Variants in OPHN1 observed in about 807,000 individuals in gnomAD.
OPHN1 encodes the protein oligophrenin-1.
Under a neutral mutation model 60.7 loss-of-function variants are expected in OPHN1, and 11 were observed. That is an observed-to-expected ratio of 0.18 (90% CI 0.11 to 0.30). The LOEUF is 0.30. Ranked by LOEUF, OPHN1 falls within the 10% of genes least tolerant of loss-of-function variation. The pLI is 1.00. For synonymous variants in OPHN1, 226 were observed against 222.6 expected, an observed-to-expected ratio of 1.02 and a Z score of -0.14; for missense variants, 449 against 611.0, an observed-to-expected ratio of 0.73 and a Z score of 2.80.
rs189820841 is a variant in OPHN1 at position 68,284,046 on chromosome X, G to A, written c.251-929C>T. Among the ~76,000 whole-genome samples the A allele has an allele frequency of 1.7e-3, 192 of 111,241 alleles. 1 individual carries two copies. The highest frequency in any genetic ancestry group is 5.9e-3 in the African/African-American group (180 of 30,669). On this transcript the variant is annotated intron_variant, in intron 3 of 24. Coordinates refer to ENST00000355520, the MANE Select transcript of OPHN1 (RefSeq NM_002547.3). ...ACACCATACTCAGAAAGAGTAAACA[G>A]GAAAAAATGGAAATGTTTATTGACC...
At chrX:68,349,454 T>C (rs2078395794) in intron 2 of OPHN1, among the ~76,000 whole-genome samples, 2 of 112,058 alleles carry the variant, frequency 1.8e-5, no homozygotes, top group Admixed American at 9.5e-5. Flanking sequence ...TTTTACACTG[T>C]TGGTGGGAGT....
At chrX:68,317,299 C>CA (rs1204792285) in intron 2 of OPHN1, among the ~76,000 whole-genome samples, 73 of 44,366 alleles carry the variant, frequency 1.6e-3, no homozygotes, top group African/African-American at 3.6e-3. Context: ...AAATCTGTCT[C>CA]AAAAAAAAAA....
Position 68,210,363 on chromosome X carries a change from A to T in OPHN1, c.703-81T>A. The T allele has an allele frequency of 2.9e-6, 3 of 1,028,449 alleles. No homozygotes were observed. In the South Asian group the frequency reaches 6.1e-5, roughly 21 times the overall value. 84.8% of individuals were successfully genotyped at this position (1,028,449 alleles called of 1,213,427 possible). ...TATTTCTTGGTCAGAGACTCAGTACAAAGTTTTCCCTGCTTACAGCATGTG... is the reference window on the plus strand; with the variant it reads ...TATTTCTTGGTCAGAGACTCAGTACTAAGTTTTCCCTGCTTACAGCATGTG... On this transcript the variant is annotated intron_variant, in intron 8 of 24. Coordinates refer to ENST00000355520, the MANE Select transcript of OPHN1 (RefSeq NM_002547.3).
chrX:68,073,615 C>T, intron 19 of OPHN1, among the ~76,000 whole-genome samples: 1 of 111,917 alleles, frequency 8.9e-6, no homozygotes, highest in Non-Finnish European at 1.9e-5. Context: ...CTTCTCTGAG[C>T]CTTGGCTTTC....
rs2254886 is a variant in OPHN1, at chrX:68,045,575, G to T, written c.*1597C>A. The stretch of plus-strand genomic sequence containing the variant: ...TGGGCAACATTATAATTATACAGAC[G>T]CTACAGACAAGCTACGGCCCAGGCA... On this transcript the variant is annotated 3_prime_UTR_variant, in exon 25 of 25. Transcript: ENST00000355520. 44,897 of 110,540 alleles carry T rather than the reference G, an allele frequency of 0.41. 7,313 individuals carry two copies. Among genetic ancestry groups the T allele is most frequent in the African/African-American group, 0.61 (18,461 of 30,322 alleles). The allele number at this position is 110,540 out of a possible 1,213,427, so 9.1% of individuals were successfully genotyped here. A position where few individuals can be genotyped will look rare whatever the true frequency, so the allele number is the denominator to read the frequency against.
chrX:68,091,870 AGAG>A (rs1190230107), intron 19 of OPHN1, among the ~76,000 whole-genome samples: 3 of 111,656 alleles, frequency 2.7e-5, no homozygotes, highest in Non-Finnish European at 5.7e-5. Flanking sequence ...ATGGGAAGAG[AGAG>A]AACTTCAGAA....
chrX:68,056,989 A>G (rs1034739168), intron 21 of OPHN1, among the ~76,000 whole-genome samples: 11 of 111,979 alleles, frequency 9.8e-5, no homozygotes, highest in Admixed American at 7.6e-4. Flanking sequence ...GTACTGTGAT[A>G]CTGTACTCAG....
chrX:68,240,132 A>T (rs1327861805), intron 5 of OPHN1, among the ~76,000 whole-genome samples: 1 of 112,371 alleles, frequency 8.9e-6, no homozygotes, highest in Non-Finnish European at 1.9e-5. Flanking sequence ...TAACAGTATT[A>T]GTGGGGCTCT....
chrX:68,270,307 C>G (rs1170871624), intron 5 of OPHN1, among the ~76,000 whole-genome samples: 1 of 110,531 alleles, frequency 9.0e-6, no homozygotes, highest in Non-Finnish European at 1.9e-5. Context: ...TATTGCGGCA[C>G]TATTCACAAT....
chrX:68,088,500 A>G (rs1434150355), intron 19 of OPHN1, among the ~76,000 whole-genome samples: 2 of 111,642 alleles, frequency 1.8e-5, no homozygotes, highest in African/African-American at 6.5e-5. Context: ...GAGTTTCTCT[A>G]TCATTTAACA....
intron 2 of OPHN1, among the ~76,000 whole-genome samples, chrX:68,326,967 G>C: frequency 3.1e-5 from 1 of 31,913 alleles, no homozygotes; most frequent in Non-Finnish European, 4.4e-5. Context: ...CCTCTGCCCG[G>C]CCGCCCCTAC....
chrX:68,350,077 A>C (rs943454622), intron 2 of OPHN1, among the ~76,000 whole-genome samples: 2 of 111,449 alleles, frequency 1.8e-5, no homozygotes, highest in Non-Finnish European at 3.8e-5. Context: ...AATACAAAAA[A>C]ATCTATTGTG....
chrX:68,201,285 G>A (rs887887761), intron 11 of OPHN1, among the ~76,000 whole-genome samples: 1 of 112,199 alleles, frequency 8.9e-6, no homozygotes, highest in Non-Finnish European at 1.9e-5. Flanking sequence ...AACAAAGAAT[G>A]AGCTTTGTTA....
In OPHN1 at chrX:68,233,488, T is replaced by C. The variant is rs570695288; in HGVS notation, c.486+999A>G. 3.3e-4 allele frequency among the ~76,000 whole-genome samples: 37 copies of C among 111,821 alleles called. 2 individuals are homozygous for C. In the South Asian group the frequency reaches 1.0e-2, roughly 30 times the overall value. On this transcript the variant is annotated intron_variant, in intron 6 of 24. Coordinates refer to ENST00000355520, the MANE Select transcript of OPHN1 (RefSeq NM_002547.3). ...GAAAAATTCTCAATCAGTTTATTCC[T>C]TCTTTTCCTTCCCTAGTGCCTCTCT... is the stretch of plus-strand genomic sequence containing the variant.
chrX:68,186,889 C>T (rs981511928), intron 15 of OPHN1, among the ~76,000 whole-genome samples: 4 of 111,702 alleles, frequency 3.6e-5, no homozygotes, highest in Non-Finnish European at 7.5e-5. Flanking sequence ...TCCACAAAGG[C>T]CCCACCTCCA....
chrX:68,332,491 G>T (rs769052183), intron 2 of OPHN1, among the ~76,000 whole-genome samples: 1 of 112,164 alleles, frequency 8.9e-6, no homozygotes, highest in Non-Finnish European at 1.9e-5. Context: ...CAATAGTTAA[G>T]AACCTGGCCA....
At chrX:68,325,449 G>C (rs1175496002) in intron 2 of OPHN1, among the ~76,000 whole-genome samples, 1 of 103,846 alleles carries the variant, frequency 9.6e-6, no homozygotes, top group East Asian at 3.1e-4. Context: ...ATTGAAAAAA[G>C]TGAATATTAT....
At chrX:68,192,050 C>T (rs1032374359) in intron 15 of OPHN1, among the ~76,000 whole-genome samples, 35 of 103,471 alleles carry the variant, frequency 3.4e-4, no homozygotes, top group African/African-American at 1.3e-3. Flanking sequence ...AAATGTGAGC[C>T]ATAACCAGAA....
chrX:68,095,239 A>G (rs1009611111), intron 19 of OPHN1, among the ~76,000 whole-genome samples: 33 of 111,857 alleles, frequency 3.0e-4, no homozygotes, highest in African/African-American at 1.0e-3. Context: ...CAATTGATTT[A>G]TCAATTTATC....
Sources: allele counts gnomAD v4.1 joint callset (sites outside exome capture counted in the v4.1 genomes callset), GRCh38; gene constraint gnomAD v4.1.1; transcripts MANE v1.5; gene names NCBI Gene and HGNC (gene_info 2026-07-23, HGNC 2026-07-21).